The following ARHGAP24 variants were observed in gnomAD, a reference collection of about 807,000 sequenced individuals.
ARHGAP24 encodes rho GTPase-activating protein 24.
ARHGAP24 carries 50 observed loss-of-function variants against 76.4 expected under a neutral mutation model. The ratio of observed to expected loss-of-function variants is 0.65; its 90% confidence interval spans 0.52 to 0.83. The LOEUF is 0.83. Among genes scored for constraint, ARHGAP24 ranks in the 40% least tolerant of loss-of-function variants. The pLI, the probability that ARHGAP24 is intolerant of heterozygous loss-of-function variation, is 0.00. For synonymous variants in ARHGAP24, 345 were observed against 323.3 expected, an observed-to-expected ratio of 1.07 and a Z score of -0.72; for missense variants, 930 against 914.2, an observed-to-expected ratio of 1.02 and a Z score of -0.22.
intron 5 of ARHGAP24, among the ~76,000 whole-genome samples, chr4:85,963,024 ATG>A (rs1738356462): frequency 6.6e-6 from 1 of 151,966 alleles, no homozygotes; most frequent in Non-Finnish European, 1.5e-5. Flanking sequence ...ATGTACATTT[ATG>A]TGTGTGTAAT....
chr4:85,687,469 A>G (rs1302824116), intron 2 of ARHGAP24, among the ~76,000 whole-genome samples: 1 of 152,124 alleles, frequency 6.6e-6, no homozygotes, highest in Non-Finnish European at 1.5e-5. Flanking sequence ...GTTCCCATGT[A>G]TTTGTCCACC....
intron 3 of ARHGAP24, among the ~76,000 whole-genome samples, chr4:85,747,283 G>C (rs946331685): frequency 3.9e-5 from 6 of 151,960 alleles, no homozygotes; most frequent in African/African-American, 1.5e-4. Flanking sequence ...ATCTTGTATA[G>C]CTTTTGAAAA....
At chr4:85,924,006 G>A (rs1735881709) in intron 4 of ARHGAP24, among the ~76,000 whole-genome samples, 1 of 151,852 alleles carries the variant, frequency 6.6e-6, no homozygotes, top group African/African-American at 2.4e-5. Context: ...GATAAAAATG[G>A]GTGGGTTTTT....
intron 1 of ARHGAP24, among the ~76,000 whole-genome samples, chr4:85,552,120 T>C (rs1330904074): frequency 1.3e-5 from 2 of 152,294 alleles, no homozygotes; most frequent in East Asian, 3.9e-4. Context: ...TGTTAGGTTG[T>C]TAATTTGAGA....
intron 3 of ARHGAP24, among the ~76,000 whole-genome samples, chr4:85,746,104 G>A (rs1204593418): frequency 6.6e-6 from 1 of 152,214 alleles, no homozygotes; most frequent in Non-Finnish European, 1.5e-5. Context: ...GAAGGAGGAA[G>A]TAGTGAACAC....
chr4:85,477,682 C>T (rs1326684063), intron 1 of ARHGAP24, among the ~76,000 whole-genome samples: 1 of 152,182 alleles, frequency 6.6e-6, no homozygotes, highest in Non-Finnish European at 1.5e-5. Context: ...GATTACTTTG[C>T]TGTCTTAGCC....
At chr4:85,551,476 G>A (rs143805767) in intron 1 of ARHGAP24, among the ~76,000 whole-genome samples, 5 of 152,180 alleles carry the variant, frequency 3.3e-5, no homozygotes, top group East Asian at 1.9e-4. Flanking sequence ...CAAGGATATC[G>A]GCCTGACATT....
intron 8 of ARHGAP24, chr4:85,990,267 CACTA>C (rs1740242075): frequency 3.3e-5 from 5 of 151,706 alleles, no homozygotes; most frequent in African/African-American, 1.2e-4. Context: ...AACTACTAAA[CACTA>C]ACAAACAAAT....
chr4:85,682,789 T>C (rs949695059), intron 2 of ARHGAP24, among the ~76,000 whole-genome samples: 2 of 152,178 alleles, frequency 1.3e-5, no homozygotes. Flanking sequence ...CTTAAGAGTA[T>C]TGGACTCTCT....
intron 1 of ARHGAP24, among the ~76,000 whole-genome samples, chr4:85,500,326 T>C (rs1723754509): frequency 6.6e-6 from 1 of 152,206 alleles, no homozygotes; most frequent in Non-Finnish European, 1.5e-5. Flanking sequence ...TGGTGTTCCC[T>C]GGTATTCATT....
At chr4:85,758,064 A>C (rs1364455497) in intron 3 of ARHGAP24, among the ~76,000 whole-genome samples, 1 of 102,108 alleles carries the variant, frequency 9.8e-6, no homozygotes, top group Admixed American at 1.1e-4. Context: ...AAGAAGGGGG[A>C]AAAAAAAGCC....
intron 3 of ARHGAP24, among the ~76,000 whole-genome samples, chr4:85,901,389 CAAA>C (rs919133191): frequency 4.1e-5 from 6 of 148,018 alleles, no homozygotes; most frequent in Middle Eastern, 3.5e-3. Context: ...AAACAAACAA[CAAA>C]AAAAAAAAAC....
chr4:85,606,957 G>C (rs917060539), intron 2 of ARHGAP24, among the ~76,000 whole-genome samples: 8 of 152,186 alleles, frequency 5.3e-5, no homozygotes, highest in African/African-American at 9.6e-5. Context: ...TGAAGAGTTT[G>C]AGAGACAATA....
chr4:85,675,082 T>G (rs1194509715), intron 2 of ARHGAP24, among the ~76,000 whole-genome samples: 1 of 152,146 alleles, frequency 6.6e-6, no homozygotes, highest in African/African-American at 2.4e-5. Context: ...AGAGGACACC[T>G]CTGGTGAGGA....
At chr4:85,670,811 A>T (rs550958527) in intron 2 of ARHGAP24, among the ~76,000 whole-genome samples, 1 of 152,268 alleles carries the variant, frequency 6.6e-6, no homozygotes, top group Non-Finnish European at 1.5e-5. Context: ...AGTCAAGCTG[A>T]TCATGGGTTT....
chr4:85,928,918 T>C (rs1736166919), intron 4 of ARHGAP24, among the ~76,000 whole-genome samples: 1 of 152,144 alleles, frequency 6.6e-6, no homozygotes, highest in Non-Finnish European at 1.5e-5. Context: ...CAATGAGTAA[T>C]TGGTATGCAG....
chr4:85,672,754 CTT>C (rs1236567778), intron 2 of ARHGAP24, among the ~76,000 whole-genome samples: 2 of 152,078 alleles, frequency 1.3e-5, no homozygotes, highest in Non-Finnish European at 2.9e-5. Context: ...GGGGAAAAAA[CTT>C]TATTTGAAAA....
At chr4:85,873,585 G>A (rs80328074) in intron 3 of ARHGAP24, among the ~76,000 whole-genome samples, 1 of 152,268 alleles carries the variant, frequency 6.6e-6, no homozygotes, top group East Asian at 1.9e-4. Flanking sequence ...GATAAATGTT[G>A]CCATGGGTGT....
chr4:85,815,443 T>A (rs1307150986), intron 3 of ARHGAP24, among the ~76,000 whole-genome samples: 1 of 152,226 alleles, frequency 6.6e-6, no homozygotes, highest in Non-Finnish European at 1.5e-5. Context: ...TTTCTTCTGC[T>A]AGATACCCTA....
Sources: allele counts gnomAD v4.1 joint callset (sites outside exome capture counted in the v4.1 genomes callset), GRCh38; gene constraint gnomAD v4.1.1; transcripts MANE v1.5; gene names NCBI Gene and HGNC (gene_info 2026-07-23, HGNC 2026-07-21).